The following ANKDD1B variants were observed in gnomAD, a reference collection of about 807,000 sequenced individuals.
ANKDD1B encodes the protein ankyrin repeat and death domain containing 1B, also known as ankyrin repeat and death domain-containing protein 1B.
In ANKDD1B, 57 loss-of-function variants were observed where a neutral mutation model predicts 59.7. That is an observed-to-expected ratio of 0.95 (90% CI 0.77 to 1.19). The LOEUF (loss-of-function observed/expected upper bound fraction) is 1.19, where lower values mean the gene tolerates loss of function less well. Among genes scored for constraint, ANKDD1B ranks in the 50% most tolerant of loss-of-function variants. ANKDD1B has a pLI of 0.00. For missense variants in ANKDD1B, 602 were observed against 641.9 expected, an observed-to-expected ratio of 0.94 and a Z score of 0.67; for synonymous variants, 216 against 239.5, an observed-to-expected ratio of 0.90 and a Z score of 0.91.
intron 5 of ANKDD1B, among the ~76,000 whole-genome samples, chr5:75,629,094 G>A (rs1211065027): frequency 1.3e-5 from 2 of 152,084 alleles, no homozygotes; most frequent in Non-Finnish European, 2.9e-5. Context: ...TGGGAGGGAA[G>A]GGGATAGTGA....
rs530576935 is a variant in ANKDD1B at position 75,630,917 on chromosome 5, A to G, written c.601-3981A>G. Among the ~76,000 whole-genome samples, 3 of 152,366 alleles carry G rather than the reference A, an allele frequency of 2.0e-5. No homozygotes were observed. In the East Asian group the frequency reaches 5.8e-4, roughly 29 times the overall value. On this transcript the variant is annotated intron_variant, in intron 5 of 13. Coordinates refer to ENST00000601380, the MANE Select transcript of ANKDD1B (RefSeq NM_001276713.2). Reference sequence around the variant, plus strand: ...TTAATATCCTTATGGATTTCAATCCATAAGAAATAAAAATAATCTGTCATT... The same window carrying G: ...TTAATATCCTTATGGATTTCAATCCGTAAGAAATAAAAATAATCTGTCATT...
intron 7 of ANKDD1B, among the ~76,000 whole-genome samples, chr5:75,646,794 T>C (rs1391085502): frequency 1.8e-5 from 2 of 114,196 alleles, no homozygotes; most frequent in African/African-American, 6.9e-5. Flanking sequence ...CATCGCCAAG[T>C]CAATCCTAAG....
intron 10 of ANKDD1B, among the ~76,000 whole-genome samples, chr5:75,660,806 G>A (rs1039955216): frequency 9.2e-5 from 14 of 152,188 alleles, no homozygotes. Flanking sequence ...ATAGTAAGAG[G>A]CAGAGCTGGC....
intron 9 of ANKDD1B, among the ~76,000 whole-genome samples, chr5:75,657,724 T>A (rs1775012748): frequency 6.6e-6 from 1 of 151,878 alleles, no homozygotes; most frequent in Non-Finnish European, 1.5e-5. Context: ...CTGGCCAATA[T>A]AGTGAAACCC....
rs1047891747 is a variant in ANKDD1B at position 75,611,802 on chromosome 5, C to T, written c.168C>T (p.Asp56=). ...AGCGGGAGGGTCTTGGAGAGGAGGA[C>T]ACAGCAGTTGCCGGACACGAGCTCC... The part of the protein sequence containing the change: ...IPKREGLGEE[D]TAVAGHELLL... The change falls in exon 1 of 14, where the codon GAC becomes GAT. Residue 56 remains aspartate (D), a synonymous_variant. Transcript: ENST00000601380. 9.8e-5 allele frequency: 121 copies of T among 1,232,004 alleles called. No individual in the cohort carries two copies. The highest frequency in any genetic ancestry group is 6.2e-4 in the Middle Eastern group (2 of 3,210). 76.3% of individuals were successfully genotyped at this position (1,232,004 alleles called of 1,614,324 possible).
At chr5:75,659,540 T>C (rs1380883073) in intron 10 of ANKDD1B, among the ~76,000 whole-genome samples, 159 bp downstream of exon 10, 2 of 152,242 alleles carry the variant, frequency 1.3e-5, no homozygotes, top group South Asian at 2.1e-4. Context: ...CCAATTTTGG[T>C]TGAGCTATGT....
At chr5:75,629,809 G>A (rs182826600) in intron 5 of ANKDD1B, among the ~76,000 whole-genome samples, 22 of 151,848 alleles carry the variant, frequency 1.4e-4, no homozygotes, top group Middle Eastern at 3.4e-3. Flanking sequence ...ATGGTGGTGC[G>A]CACCTGTGGC....
chr5:75,649,141 A>C (rs1237066958), intron 7 of ANKDD1B, among the ~76,000 whole-genome samples: 1 of 150,786 alleles, frequency 6.6e-6, no homozygotes, highest in Non-Finnish European at 1.5e-5. Flanking sequence ...GTCCTACCTC[A>C]CATTTTATCA....
chr5:75,669,796 A>G (rs952113265), intron 13 of ANKDD1B, among the ~76,000 whole-genome samples: 1 of 152,220 alleles, frequency 6.6e-6, no homozygotes, highest in Non-Finnish European at 1.5e-5. Flanking sequence ...GTGTATTTGA[A>G]AATGTTATCT....
Position 75,611,564 on chromosome 5 carries a change from G to C in ANKDD1B, c.-71G>C. On this transcript the variant is annotated 5_prime_UTR_variant, in exon 1 of 14. Transcript: ENST00000601380. The stretch of plus-strand genomic sequence containing the variant: ...TGGGCCTGCCTGGGTCTGGATCTGT[G>C]TCCGAGTCTGGGTCTGGATCTGGGT... The C allele has an allele frequency of 1.9e-6, 2 of 1,061,102 alleles. No individual in the cohort carries two copies. Among genetic ancestry groups the C allele is most frequent in the Non-Finnish European group, 2.3e-6 (2 of 851,366 alleles). 65.7% of individuals were successfully genotyped at this position (1,061,102 alleles called of 1,614,324 possible). A position where few individuals can be genotyped will look rare whatever the true frequency, so the allele number is the denominator to read the frequency against.
At position 75,625,862 on chromosome 5, in the gene ANKDD1B, C is replaced by T. The variant is rs1364296077; in HGVS notation, c.507C>T (p.Ser169=). Residue 169 remains serine, a synonymous_variant, in exon 5 of 14, where the codon AGC becomes AGT. Transcript: ENST00000601380. The part of the protein sequence containing the change: ...DQRAKNQDGM[S]ALHFATQSNH... Reference sequence around the variant, plus strand: ...CTGGTTCTCTTCAGGATGGAATGAGCGCCCTCCACTTTGCCACTCAGAGCA... The same window carrying T: ...CTGGTTCTCTTCAGGATGGAATGAGTGCCCTCCACTTTGCCACTCAGAGCA... The T allele has an allele frequency of 5.2e-6, 8 of 1,535,826 alleles. No individual in the cohort carries two copies. Among genetic ancestry groups the T allele is most frequent in the South Asian group, 2.4e-5 (2 of 84,058 alleles).
Position 75,666,893 on chromosome 5 carries a change from C to A in ANKDD1B, c.1293C>A (p.Asp431Glu), listed in dbSNP as rs1255805039. Residue 431 changes from aspartate (D) to glutamate (E), a missense_variant, in exon 12 of 14, where the codon GAC becomes GAA. Asp to Glu is a conservative substitution (Grantham distance 45). Transcript: ENST00000601380. ...GACACATTCGCACGCTTCTCTGGGA[C>A]CTGGCTTACCATCAGCTGAAGGCCA... Reference protein sequence around the residue: ...ETRHIRTLLWDLAYHQLKANE... With the variant: ...ETRHIRTLLWELAYHQLKANE... 15 of 1,534,150 alleles carry A rather than the reference C, an allele frequency of 9.8e-6. No homozygotes were observed. Among genetic ancestry groups the A allele is most frequent in the Non-Finnish European group, 5.2e-6 (6 of 1,146,226 alleles).
chr5:75,635,942 C>A, intron 7 of ANKDD1B, 60 bp downstream of exon 7: 1 of 1,103,276 alleles, frequency 9.1e-7, no homozygotes. Flanking sequence ...GGAGGAATGG[C>A]TTTCAAGAAA....
intron 7 of ANKDD1B, among the ~76,000 whole-genome samples, chr5:75,647,488 AAC>A (rs1266803713): frequency 7.9e-6 from 1 of 126,328 alleles, no homozygotes; most frequent in African/African-American, 4.4e-5. Flanking sequence ...GCAGCCAAAA[AAC>A]ACATGAAAAA....
chr5:75,630,732 A>G (rs1239808307), intron 5 of ANKDD1B, among the ~76,000 whole-genome samples: 1 of 152,248 alleles, frequency 6.6e-6, no homozygotes, highest in African/African-American at 2.4e-5. Context: ...AAGGTAATTT[A>G]TTAACTTCGA....
chr5:75,631,724 A>G (rs1774165853), intron 5 of ANKDD1B, among the ~76,000 whole-genome samples: 1 of 152,216 alleles, frequency 6.6e-6, no homozygotes, highest in African/African-American at 2.4e-5. Context: ...ACAAGCTGTA[A>G]TTTGTGCCCA....
intron 7 of ANKDD1B, among the ~76,000 whole-genome samples, chr5:75,637,793 T>C (rs139075279): frequency 6.6e-6 from 1 of 152,316 alleles, no homozygotes; most frequent in East Asian, 1.9e-4. Flanking sequence ...TTTCTTTCTT[T>C]CTTTTTCTTA....
intron 8 of ANKDD1B, 22 bp downstream of exon 8, chr5:75,653,262 G>A (rs1453403713): frequency 4.6e-6 from 7 of 1,508,558 alleles, no homozygotes; most frequent in African/African-American, 2.8e-5. Flanking sequence ...CCAATGACAC[G>A]GGCTTTGGTC....
At chr5:75,635,130 C>CA (rs1420625732) in intron 6 of ANKDD1B, 134 bp downstream of exon 6, 4 of 601,954 alleles carry the variant, frequency 6.6e-6, no homozygotes. Flanking sequence ...CTACTGTACT[C>CA]AGAGAGAATC....
Sources: gnomAD v4.1 joint callset for allele counts (sites outside exome capture counted in the v4.1 genomes callset) on GRCh38, gnomAD v4.1.1 for gene constraint, MANE v1.5 for transcripts, NCBI Gene and HGNC (gene_info 2026-07-23, HGNC 2026-07-21) for gene names.